GREB1: variants seen among roughly 807,000 people sequenced by gnomAD.
GREB1 encodes protein GREB1.
Under a neutral mutation model 200.7 loss-of-function variants are expected in GREB1, and 106 were observed. The observed-to-expected ratio is 0.53, with a 90% CI of 0.45 to 0.62. The LOEUF (loss-of-function observed/expected upper bound fraction) is 0.62, where lower values mean the gene tolerates loss of function less well. Among genes scored for constraint, GREB1 ranks in the 20% least tolerant of loss-of-function variants. The pLI is 0.00. For missense variants in GREB1, 2,243 were observed against 2,556.8 expected, an observed-to-expected ratio of 0.88 and a Z score of 2.65; for synonymous variants, 1,132 against 1,092.4, an observed-to-expected ratio of 1.04 and a Z score of -0.72.
chr2:11,486,941 C>T (rs1672669825), intron 1 of GREB1, among the ~76,000 whole-genome samples: 2 of 151,908 alleles, frequency 1.3e-5, no homozygotes, highest in Non-Finnish European at 2.9e-5. Context: ...ACACTTTGGT[C>T]TATTTTTTCC....
intron 1 of GREB1, among the ~76,000 whole-genome samples, chr2:11,553,222 A>G: frequency 6.6e-6 from 1 of 152,016 alleles, no homozygotes; most frequent in East Asian, 1.9e-4. Context: ...TGAGTATGAA[A>G]ACTTTACTGG....
At position 11,566,532 on chromosome 2, in the gene GREB1, C is replaced by G. The variant is rs1260138503; in HGVS notation, c.330C>G (p.Pro110=). 6.2e-7 allele frequency: 1 copy of G among 1,613,970 alleles called. No individual in the cohort carries two copies. Among genetic ancestry groups the G allele is most frequent in the Admixed American group, 1.7e-5 (1 of 60,000 alleles). Reference sequence around the variant, plus strand: ...GCCTTGTCTCCATTTCCAACGAGCCCATGGATGTCCCTGCGGGCTTTCTCC... The same window carrying G: ...GCCTTGTCTCCATTTCCAACGAGCCGATGGATGTCCCTGCGGGCTTTCTCC... The part of the protein sequence containing the change: ...DLRLVSISNE[P]MDVPAGFLLV... The change falls in exon 4 of 33, where the codon CCC becomes CCG. Residue 110 remains proline (P), a synonymous_variant. Transcript: ENST00000381486.
At chr2:11,541,005 T>A (rs929429942) in intron 1 of GREB1, among the ~76,000 whole-genome samples, 12 of 152,370 alleles carry the variant, frequency 7.9e-5, no homozygotes, top group Non-Finnish European at 1.8e-4. Context: ...GCTGGGGAAT[T>A]CTTCCAGTTA....
chr2:11,612,137 T>C (rs1682991058), intron 18 of GREB1: 1 of 180,642 alleles, frequency 5.5e-6, no homozygotes, highest in Admixed American at 6.4e-5. Context: ...GAGGTTGCAG[T>C]GAGCTGAGAT....
In GREB1 at chr2:11,618,463, G is replaced by A. The variant is rs772502940; in HGVS notation, c.3588G>A (p.Pro1196=). The change falls in exon 22 of 33, where the codon CCG becomes CCA. Residue 1196 remains proline (P), a synonymous_variant. Transcript: ENST00000381486. The part of the protein sequence containing the change: ...PSAISRHSPG[P]TPQPDCSLRT... ...CCATCAGCAGGCACAGTCCCGGGCC[G>A]ACGCCCCAGCCCGACTGTAGCCTCA... 7.0e-5 allele frequency: 112 copies of A among 1,605,790 alleles called. No homozygotes were observed. The highest frequency in any genetic ancestry group is 2.8e-4 in the African/African-American group (21 of 74,782).
At chr2:11,530,678 A>G (rs1674042827), upstream of GREB1, among the ~76,000 whole-genome samples, 1 of 151,596 alleles carries the variant, frequency 6.6e-6, no homozygotes, top group African/African-American at 2.4e-5. Flanking sequence ...AATGGGGGGC[A>G]GGGATGGAGG....
rs376196461 is a variant in GREB1, at chr2:11,637,928, A to C, written c.5547+12A>C. 2 of 1,607,626 alleles carry C rather than the reference A, an allele frequency of 1.2e-6. No individual in the cohort carries two copies. The highest frequency in any genetic ancestry group is 1.3e-5 in the African/African-American group (1 of 74,900). ...ACCTGGGATCTCAGGTGACTTTCAG[A>C]GGGGGTGCTGTCGAATCCCTAATTC... On this transcript the variant is annotated intron_variant, in intron 31 of 32. Coordinates refer to ENST00000381486, the MANE Select transcript of GREB1 (RefSeq NM_014668.4).
At chr2:11,518,446 C>T (rs1270703254) in intron 1 of GREB1, among the ~76,000 whole-genome samples, 1 of 149,620 alleles carries the variant, frequency 6.7e-6, no homozygotes, top group East Asian at 2.0e-4. Flanking sequence ...TTTTGAGTTC[C>T]AGAAACCTAG....
intron 25 of GREB1, among the ~76,000 whole-genome samples, chr2:11,627,683 T>C (rs551231307): frequency 2.0e-5 from 3 of 152,308 alleles, no homozygotes; most frequent in South Asian, 4.1e-4. Context: ...CCTGGACACA[T>C]AGAAATGGAT....
In GREB1 at chr2:11,568,418, G is replaced by A. The variant is rs902688070; in HGVS notation, c.454+1762G>A. 2.0e-5 allele frequency among the ~76,000 whole-genome samples: 3 copies of A among 152,234 alleles called. No homozygotes were observed. In the East Asian group the frequency reaches 5.8e-4, roughly 29 times the overall value. Reference sequence around the variant, plus strand: ...AGCACCACTAGACAGTGATGAAGGAGAGAAAACATTTTGGCCAACTCTTTT... The same window carrying A: ...AGCACCACTAGACAGTGATGAAGGAAAGAAAACATTTTGGCCAACTCTTTT... On this transcript the variant is annotated intron_variant, in intron 4 of 32. Transcript: ENST00000381486.
At chr2:11,529,317 C>T (rs1264879190), upstream of GREB1, among the ~76,000 whole-genome samples, 2 of 152,138 alleles carry the variant, frequency 1.3e-5, no homozygotes, top group African/African-American at 4.8e-5. Flanking sequence ...TGGAAAGAAA[C>T]GAGAAACAGA....
In GREB1 at chr2:11,631,905, G is replaced by A. The variant is rs1351316705; in HGVS notation, c.4612-4G>A. On this transcript the variant is annotated splice_region_variant and splice_polypyrimidine_tract_variant and intron_variant, in intron 26 of 32. Transcript: ENST00000381486. The stretch of plus-strand genomic sequence containing the variant: ...CTCTACCTCATGATACCTGTACTTT[G>A]CAGAGCCATGAATATATAAAAAGTC... 1.2e-6 allele frequency: 2 copies of A among 1,609,830 alleles called. No homozygotes were observed. Among genetic ancestry groups the A allele is most frequent in the East Asian group, 2.2e-5 (1 of 44,898 alleles).
At chr2:11,551,173 C>T (rs1475157846) in intron 1 of GREB1, among the ~76,000 whole-genome samples, 2 of 152,104 alleles carry the variant, frequency 1.3e-5, no homozygotes, top group Non-Finnish European at 2.9e-5. Context: ...ATCAGAAGGG[C>T]CAGTGGAAGT....
intron 1 of GREB1, among the ~76,000 whole-genome samples, chr2:11,501,067 C>T (rs968721504): frequency 2.0e-5 from 3 of 152,174 alleles, no homozygotes; most frequent in South Asian, 2.1e-4. Context: ...TGTCTTTCCT[C>T]CACTGCCCAG....
At chr2:11,625,964 C>T (rs993253603) in intron 24 of GREB1, among the ~76,000 whole-genome samples, 2 of 152,086 alleles carry the variant, frequency 1.3e-5, no homozygotes, top group Admixed American at 6.5e-5. Context: ...AGTGAGAGCC[C>T]AGCAAAAGGG....
At chr2:11,499,540 T>C (rs952604375) in intron 1 of GREB1, among the ~76,000 whole-genome samples, 3 of 152,262 alleles carry the variant, frequency 2.0e-5, no homozygotes, top group African/African-American at 7.2e-5. Context: ...ATCAATAATA[T>C]TTGCATTAGC....
rs374667711 is a variant in GREB1 at position 11,634,191 on chromosome 2, G to A, written c.5052G>A (p.Ala1684=). The part of the protein sequence containing the change: ...SLKHIMQHIE[A]APDIMHYALL... ...AGCACATCATGCAGCACATCGAGGC[G>A]GCCCCCGACATCATGCACTACGCCC... is the stretch of plus-strand genomic sequence containing the variant. The change falls in exon 29 of 33, where the codon GCG becomes GCA. Residue 1684 remains alanine (A), a synonymous_variant. Coordinates refer to ENST00000381486, the MANE Select transcript of GREB1 (RefSeq NM_014668.4). The A allele has an allele frequency of 8.7e-6, 14 of 1,614,200 alleles. No individual in the cohort carries two copies. Among genetic ancestry groups the A allele is most frequent in the East Asian group, 2.2e-5 (1 of 44,886 alleles).
rs757280928 is a variant in GREB1, at chr2:11,612,533, G to T, written c.3045G>T (p.Gln1015His). Reference protein sequence around the residue: ...QKIEDVEWRPQTYLELEGLPC... With the variant: ...QKIEDVEWRPHTYLELEGLPC... ...TTGAGGATGTGGAGTGGAGACCCCAGACTTACTTGGAGCTGGAGGGTCTGC... is the reference window on the plus strand; with the variant it reads ...TTGAGGATGTGGAGTGGAGACCCCATACTTACTTGGAGCTGGAGGGTCTGC... Residue 1015 changes from glutamine to histidine, a missense_variant, in exon 19 of 33, where the codon CAG becomes CAT. Gln to His is a conservative substitution (Grantham distance 24). Transcript: ENST00000381486. 6.2e-7 allele frequency: 1 copy of T among 1,613,034 alleles called. No homozygotes were observed. Among genetic ancestry groups the T allele is most frequent in the East Asian group, 2.2e-5 (1 of 44,878 alleles).
upstream of GREB1, among the ~76,000 whole-genome samples, chr2:11,532,840 A>G (rs1480047609): frequency 6.6e-6 from 1 of 152,208 alleles, no homozygotes; most frequent in Non-Finnish European, 1.5e-5. Context: ...CTGCTTAAAG[A>G]TATCCTTTGT....
Sources: gnomAD v4.1 joint callset for allele counts (sites outside exome capture counted in the v4.1 genomes callset) on GRCh38, gnomAD v4.1.1 for gene constraint, MANE v1.5 for transcripts, NCBI Gene and HGNC (gene_info 2026-07-23, HGNC 2026-07-21) for gene names.